The following APOOL variants were observed in gnomAD, a reference collection of about 807,000 sequenced individuals.
The protein encoded by APOOL is apolipoprotein O like, also known as MICOS complex subunit MIC27.
APOOL carries 12 observed loss-of-function variants against 23.1 expected under a neutral mutation model. The ratio of observed to expected loss-of-function variants is 0.52; its 90% CI spans 0.33 to 0.84. The LOEUF is 0.84. APOOL is among the 40% of genes least tolerant of loss of function. The pLI is 0.02. For missense variants in APOOL, 212 were observed against 199.6 expected (o/e 1.06, Z -0.37); for synonymous variants, 77 against 69.9 (o/e 1.10, Z -0.51).
intron 8 of APOOL, among the ~76,000 whole-genome samples, chrX:85,086,887 A>G (rs1029415437): frequency 1.2e-4 from 12 of 102,023 alleles, no homozygotes; most frequent in East Asian, 3.1e-4. Context: ...TTTTAGTAGA[A>G]ACGGGGTTTC....
At chrX:85,085,262 T>C (rs1924249745) in intron 8 of APOOL, among the ~76,000 whole-genome samples, 1 of 112,040 alleles carries the variant, frequency 8.9e-6, no homozygotes, top group African/African-American at 3.2e-5. Context: ...GTACTGCTGA[T>C]ACTACTGTGT....
intron 1 of APOOL, among the ~76,000 whole-genome samples, chrX:85,042,670 A>G (rs1366607883): frequency 1.8e-5 from 2 of 112,081 alleles, no homozygotes; most frequent in African/African-American, 6.5e-5. Context: ...ATGAATATTG[A>G]TGCAAAAATC....
chrX:85,021,114 C>T (rs1357694013), intron 1 of APOOL, among the ~76,000 whole-genome samples: 1 of 111,903 alleles, frequency 8.9e-6, no homozygotes, highest in African/African-American at 3.3e-5. Context: ...TAGGCCTGCC[C>T]AGTGTTAGGC....
At chrX:85,015,542 ATATTTATTTATTTATTTATT>A (rs150837249) in intron 1 of APOOL, among the ~76,000 whole-genome samples, 3 of 98,982 alleles carry the variant, frequency 3.0e-5, no homozygotes, top group African/African-American at 3.7e-5. Context: ...TCGGACTTTA[ATATTTATTTATTTATTTATT>A]TATTTATTTA....
intron 8 of APOOL, among the ~76,000 whole-genome samples, chrX:85,087,277 C>T (rs759124958): frequency 9.0e-6 from 1 of 111,151 alleles, no homozygotes; most frequent in African/African-American, 3.3e-5. Context: ...CTGCTGGTAT[C>T]TATAGGGTGC....
intron 1 of APOOL, among the ~76,000 whole-genome samples, chrX:85,024,290 A>C (rs1471324376): frequency 8.9e-6 from 1 of 112,138 alleles, no homozygotes; most frequent in Non-Finnish European, 1.9e-5. Flanking sequence ...TTTCTCTTCA[A>C]GCATTCCTCG....
In APOOL at chrX:85,092,971, T is replaced by C. The variant is rs774865876; in HGVS notation, c.*5293T>C. 7.6e-5 allele frequency: 28 copies of C among 366,647 alleles called. No individual in the cohort carries two copies. The highest frequency in any genetic ancestry group is 5.6e-4 in the African/African-American group (22 of 39,138). 30.2% of individuals were successfully genotyped at this position (366,647 alleles called of 1,213,427 possible). ...ATAGCAAAAAGGGTGTATAGTGTGG[T>C]TGTGGATTATATATAAATCAATTTT... On this transcript the variant is annotated 3_prime_UTR_variant, in exon 9 of 9. Transcript: ENST00000373173.
At chrX:85,029,638 T>G (rs1259978062) in intron 1 of APOOL, among the ~76,000 whole-genome samples, 2 of 111,558 alleles carry the variant, frequency 1.8e-5, no homozygotes, top group Non-Finnish European at 3.8e-5. Context: ...TGTGTAGTAT[T>G]ATCAAACAGA....
Position 85,089,879 on chromosome X carries a change from G to A in APOOL, c.*2201G>A, listed in dbSNP as rs1924474230. 1 of 107,505 alleles carries A rather than the reference G, an allele frequency of 9.3e-6. No homozygotes were observed. The highest frequency in any genetic ancestry group is 1.9e-5 in the Non-Finnish European group (1 of 52,413). 8.9% of individuals were successfully genotyped at this position (107,505 alleles called of 1,213,427 possible). On this transcript the variant is annotated 3_prime_UTR_variant, in exon 9 of 9. Coordinates refer to ENST00000373173, the MANE Select transcript of APOOL (RefSeq NM_198450.6). ...TAGCCTTCAGGCTAATTTGCTCACTGTCAATCTTGCTGTCTCTCATTTCAG... is the reference window on the plus strand; with the variant it reads ...TAGCCTTCAGGCTAATTTGCTCACTATCAATCTTGCTGTCTCTCATTTCAG...
chrX:85,023,012 C>G (rs1689163792), intron 1 of APOOL, among the ~76,000 whole-genome samples: 1 of 111,643 alleles, frequency 9.0e-6, no homozygotes, highest in African/African-American at 3.3e-5. Flanking sequence ...CACCTCCACT[C>G]TCTCTCTTGC....
rs150865537 is a variant in APOOL at position 85,004,845 on chromosome X, C to T, written c.15+918C>T. 5.4e-4 allele frequency among the ~76,000 whole-genome samples: 60 copies of T among 111,373 alleles called. No individual in the cohort carries two copies. In the East Asian group the frequency reaches 0.014, roughly 26 times the overall value. Reference sequence around the variant, plus strand: ...ATTTTATGGGCATGTCATCATCTCCCCTCTGGGGTCAGGCCATACTCTTAT... The same window carrying T: ...ATTTTATGGGCATGTCATCATCTCCTCTCTGGGGTCAGGCCATACTCTTAT... On this transcript the variant is annotated intron_variant, in intron 1 of 8. Coordinates refer to ENST00000373173, the MANE Select transcript of APOOL (RefSeq NM_198450.6).
chrX:85,046,561 T>C lies in APOOL; in HGVS notation c.120+11T>C, dbSNP rs1922582517. 8.7e-7 allele frequency: 1 copy of C among 1,155,400 alleles called. No individual in the cohort carries two copies. The highest frequency in any genetic ancestry group is 1.8e-5 in the African/African-American group (1 of 56,081). On this transcript the variant is annotated intron_variant, in intron 2 of 8. Transcript: ENST00000373173. ...GTGAAACCAGAGCAGGTAATTTGCCTACAAAGGTTTATGAACTTTGTATAA... is the reference window on the plus strand; with the variant it reads ...GTGAAACCAGAGCAGGTAATTTGCCCACAAAGGTTTATGAACTTTGTATAA...
intron 1 of APOOL, among the ~76,000 whole-genome samples, chrX:85,030,212 G>C: frequency 9.0e-6 from 1 of 111,711 alleles, no homozygotes. Context: ...GTGGCATCTT[G>C]GATGGAGCTG....
At chrX:85,042,128 TTGAAA>T (rs1442640619) in intron 1 of APOOL, among the ~76,000 whole-genome samples, 2 of 111,323 alleles carry the variant, frequency 1.8e-5, no homozygotes, top group African/African-American at 6.5e-5. Flanking sequence ...ATAAATGAAA[TTGAAA>T]TGAAGAAAAT....
chrX:85,078,451 C>A (rs1171388312), intron 8 of APOOL, among the ~76,000 whole-genome samples: 3 of 111,337 alleles, frequency 2.7e-5, no homozygotes, highest in Non-Finnish European at 5.7e-5. Flanking sequence ...TGGTCTATCT[C>A]TCTGTTTTGG....
At chrX:85,078,509 G>T (rs1923950364) in intron 8 of APOOL, among the ~76,000 whole-genome samples, 1 of 111,477 alleles carries the variant, frequency 9.0e-6, no homozygotes. Context: ...AGTATAGTTT[G>T]AAGTCAGGTA....
intron 1 of APOOL, among the ~76,000 whole-genome samples, chrX:85,037,282 C>T (rs1922246972): frequency 9.0e-6 from 1 of 111,658 alleles, no homozygotes; most frequent in African/African-American, 3.3e-5. Flanking sequence ...ATAATTTGCT[C>T]ATGTTGTGGG....
chrX:85,054,205 T>C (rs1434114498), intron 3 of APOOL, 139 bp from the exon 4 acceptor site: 2 of 508,994 alleles, frequency 3.9e-6, no homozygotes. Context: ...TGGTAGTGAA[T>C]ACATAGGAAA....
chrX:85,017,442 G>A (rs1195526138), intron 1 of APOOL, among the ~76,000 whole-genome samples: 1 of 111,829 alleles, frequency 8.9e-6, no homozygotes, highest in African/African-American at 3.3e-5. Flanking sequence ...GAACACAAGC[G>A]CGGCTTTCAG....
Sources: allele counts gnomAD v4.1 joint callset (sites outside exome capture counted in the v4.1 genomes callset), GRCh38; gene constraint gnomAD v4.1.1; transcripts MANE v1.5; gene names NCBI Gene and HGNC (gene_info 2026-07-23, HGNC 2026-07-21).